SSBP2: variants seen among roughly 807,000 people sequenced by gnomAD.
The protein encoded by SSBP2 is single-stranded DNA-binding protein 2.
A neutral mutation model predicts 61.8 loss-of-function variants in SSBP2; 17 were observed. The ratio of observed to expected loss-of-function variants is 0.28; its 90% CI spans 0.19 to 0.41. SSBP2 has a LOEUF of 0.41. Ranked by LOEUF, SSBP2 falls within the 10% of genes least tolerant of loss-of-function variation. The pLI is 1.00. For missense variants in SSBP2, 310 were observed against 458.7 expected (o/e 0.68, Z 2.96); for synonymous variants, 139 against 141.3 (o/e 0.98, Z 0.12).
chr5:81,722,758 A>C (rs1047258154), intron 1 of SSBP2, among the ~76,000 whole-genome samples: 1 of 152,014 alleles, frequency 6.6e-6, no homozygotes. Context: ...AATGTGTGCT[A>C]CCTGCAGAAA....
At chr5:81,461,029 T>TA (rs754539368) in intron 10 of SSBP2, 26 bp downstream of exon 10, 35 of 1,269,908 alleles carry the variant, frequency 2.8e-5, no homozygotes, top group East Asian at 6.0e-5. Context: ...TGCAAAATAT[T>TA]AAAAAAAATA....
intron 4 of SSBP2, among the ~76,000 whole-genome samples, chr5:81,577,457 A>G (rs1371369465): frequency 1.3e-5 from 2 of 152,016 alleles, no homozygotes; most frequent in Admixed American, 1.3e-4. Flanking sequence ...AAGGTCCCCT[A>G]TGTTTCCTTT....
chr5:81,428,512 C>T, intron 16 of SSBP2, 73 bp downstream of exon 16: 1 of 1,159,778 alleles, frequency 8.6e-7, no homozygotes, highest in Non-Finnish European at 1.3e-6. Flanking sequence ...GTAAAAGTGG[C>T]TTTATGCATT....
intron 1 of SSBP2, among the ~76,000 whole-genome samples, chr5:81,697,196 T>A (rs1465930962): frequency 1.3e-5 from 2 of 152,236 alleles, no homozygotes; most frequent in Non-Finnish European, 2.9e-5. Flanking sequence ...TGTTACATCA[T>A]CTTTCACTGG....
At chr5:81,568,007 A>G (rs1773566685) in intron 4 of SSBP2, among the ~76,000 whole-genome samples, 1 of 152,206 alleles carries the variant, frequency 6.6e-6, no homozygotes. Context: ...GGAGGAAGGA[A>G]CTTGCCTTGT....
At chr5:81,692,012 C>A (rs916268914) in intron 1 of SSBP2, among the ~76,000 whole-genome samples, 9 of 152,126 alleles carry the variant, frequency 5.9e-5, no homozygotes, top group Non-Finnish European at 1.0e-4. Context: ...CCAGCTAGAG[C>A]AATCAGACAA....
intron 1 of SSBP2, among the ~76,000 whole-genome samples, chr5:81,711,167 T>C (rs1239012862): frequency 1.3e-5 from 2 of 152,082 alleles, no homozygotes; most frequent in Non-Finnish European, 1.5e-5. Context: ...AGTTTATTCA[T>C]ATCTTGATGC....
At chr5:81,734,676 A>G (rs1437626160) in intron 1 of SSBP2, among the ~76,000 whole-genome samples, 2 of 152,196 alleles carry the variant, frequency 1.3e-5, no homozygotes, top group African/African-American at 4.8e-5. Flanking sequence ...AGTTCCCGAA[A>G]GAAAAATCAA....
intron 4 of SSBP2, among the ~76,000 whole-genome samples, chr5:81,517,328 T>C (rs984238748): frequency 6.6e-6 from 1 of 151,868 alleles, no homozygotes; most frequent in Non-Finnish European, 1.5e-5. Flanking sequence ...ATTTTCTAAC[T>C]GCTCTTGAAG....
intron 1 of SSBP2, among the ~76,000 whole-genome samples, chr5:81,694,639 CT>C (rs1380589230): frequency 1.3e-5 from 2 of 152,054 alleles, no homozygotes; most frequent in Admixed American, 1.3e-4. Context: ...ATCCTCCACC[CT>C]TACCCCACCA....
rs1770222066 is a variant in SSBP2, at chr5:81,529,408, G to A, written c.283-15691C>T. ...GAGAAACTTGCATATTTATGCCTAA[G>A]CAGAGGCATTGCCACCTATCCTCCA... On this transcript the variant is annotated intron_variant, in intron 4 of 16. Coordinates refer to ENST00000320672, the MANE Select transcript of SSBP2 (RefSeq NM_012446.5). Among the ~76,000 whole-genome samples the A allele has an allele frequency of 2.0e-5, 3 of 152,126 alleles. No individual in the cohort carries two copies. In the South Asian group the frequency reaches 6.2e-4, roughly 31 times the overall value.
chr5:81,667,067 A>T (rs1378895070), intron 1 of SSBP2, among the ~76,000 whole-genome samples: 1 of 151,496 alleles, frequency 6.6e-6, no homozygotes, highest in Non-Finnish European at 1.5e-5. Flanking sequence ...CACGGGACAA[A>T]AGGCAATGCT....
intron 4 of SSBP2, among the ~76,000 whole-genome samples, chr5:81,582,261 T>C (rs190690220): frequency 1.3e-5 from 2 of 152,182 alleles, no homozygotes; most frequent in Non-Finnish European, 2.9e-5. Flanking sequence ...AACAAGACTA[T>C]GTTTTCTTTA....
intron 1 of SSBP2, among the ~76,000 whole-genome samples, chr5:81,711,622 A>G (rs1754781220): frequency 6.6e-6 from 1 of 152,036 alleles, no homozygotes; most frequent in African/African-American, 2.4e-5. Context: ...GTAAGTCTGC[A>G]TACTATTTAT....
At chr5:81,601,774 A>C (rs138721216) in intron 4 of SSBP2, among the ~76,000 whole-genome samples, 1 of 152,260 alleles carries the variant, frequency 6.6e-6, no homozygotes, top group East Asian at 1.9e-4. Flanking sequence ...TCCAGGATCT[A>C]ATCACCTAAA....
chr5:81,698,549 C>T (rs1167726196), intron 1 of SSBP2, among the ~76,000 whole-genome samples: 2 of 152,182 alleles, frequency 1.3e-5, no homozygotes, highest in Non-Finnish European at 1.5e-5. Context: ...CGGTGGCTCA[C>T]GCCTATAATC....
At chr5:81,643,210 T>C (rs559974862) in intron 2 of SSBP2, among the ~76,000 whole-genome samples, 39 of 152,228 alleles carry the variant, frequency 2.6e-4, no homozygotes, top group African/African-American at 8.2e-4. Context: ...TTTTGGGGGT[T>C]CTAGTCTTGT....
intron 5 of SSBP2, among the ~76,000 whole-genome samples, chr5:81,504,843 T>C (rs1768057667): frequency 6.6e-6 from 1 of 152,220 alleles, no homozygotes; most frequent in Non-Finnish European, 1.5e-5. Flanking sequence ...TTGCTAAATA[T>C]CATTGACAAT....
intron 4 of SSBP2, among the ~76,000 whole-genome samples, chr5:81,514,983 T>C (rs1382735409): frequency 1.3e-5 from 2 of 151,996 alleles, no homozygotes; most frequent in African/African-American, 4.8e-5. Flanking sequence ...AGATGAAACA[T>C]GGATCTATTA....
Sources: allele counts gnomAD v4.1 joint callset (sites outside exome capture counted in the v4.1 genomes callset), GRCh38; gene constraint gnomAD v4.1.1; transcripts MANE v1.5; gene names NCBI Gene and HGNC (gene_info 2026-07-23, HGNC 2026-07-21).